The following RAB40A variants were observed in gnomAD, a reference collection of about 807,000 sequenced individuals.
RAB40A encodes the protein RAB40A, member RAS oncogene family.
For missense variants in RAB40A, 145 were observed against 230.2 expected (o/e 0.63, Z 2.40); for synonymous variants, 65 against 99.9 (o/e 0.65, Z 2.08).
intron 2 of RAB40A, chrX:103,501,383 G>A: frequency 8.0e-6 from 1 of 125,546 alleles, no homozygotes; most frequent in African/African-American, 3.2e-5. Context: ...GGGTTTAGGA[G>A]TAAGTGTGAA....
chrX:103,503,599 T>G (rs749920230), intron 2 of RAB40A: 56 of 431,159 alleles, frequency 1.3e-4, no homozygotes, highest in Non-Finnish European at 1.4e-4. Flanking sequence ...GAGATAGCTG[T>G]GATGCCTCCT....
chrX:103,504,607 C>T (rs191028039), intron 2 of RAB40A, among the ~76,000 whole-genome samples: 3 of 111,581 alleles, frequency 2.7e-5, no homozygotes, highest in South Asian at 3.8e-4. Context: ...CTGCAACCTC[C>T]GCCTCCCAGG....
At chrX:103,512,778 CATAAT>C (rs772037905) in intron 2 of RAB40A, among the ~76,000 whole-genome samples, 1 of 111,251 alleles carries the variant, frequency 9.0e-6, no homozygotes, top group East Asian at 2.8e-4. Context: ...ATTACATTTG[CATAAT>C]ATAACTTCTG....
intron 2 of RAB40A, among the ~76,000 whole-genome samples, chrX:103,507,079 T>C (rs1464913047): frequency 1.1e-5 from 1 of 90,244 alleles, no homozygotes; most frequent in Admixed American, 1.3e-4. Context: ...GATGTTCCTC[T>C]CTCTGTCCAT....
At position 103,500,211 on chromosome X, in the gene RAB40A, C is replaced by A. The variant is rs1182591922; in HGVS notation, c.546G>T (p.Trp182Cys). The change falls in exon 3 of 3, where the codon TGG becomes TGT. Residue 182 changes from tryptophan to cysteine, a missense_variant. Coordinates refer to ENST00000304236, the MANE Select transcript of RAB40A (RefSeq NM_080879.3). ...TCAGTACCTTGCTCGGCCTCCCGAG[C>A]CAATTCATCCTGTGCCGCAGCAGCA... is the stretch of plus-strand genomic sequence containing the variant. Reference protein sequence around the residue: ...RIVLLRHRMNWLGRPSKVLSL... With the variant: ...RIVLLRHRMNCLGRPSKVLSL... 2 of 1,209,367 alleles carry A rather than the reference C, an allele frequency of 1.7e-6. No homozygotes were observed. The highest frequency in any genetic ancestry group is 2.2e-6 in the Non-Finnish European group (2 of 894,638).
chrX:103,502,630 G>A (rs1203119241), intron 2 of RAB40A: 1 of 623,053 alleles, frequency 1.6e-6, no homozygotes. Flanking sequence ...GGGGACCCAT[G>A]GGGCCACAAT....
intron 2 of RAB40A, among the ~76,000 whole-genome samples, chrX:103,511,512 GA>G (rs745838915): frequency 4.8e-4 from 43 of 90,524 alleles, no homozygotes; most frequent in East Asian, 1.0e-3. Context: ...CAAAAAAAAA[GA>G]AAAAAAAAAA....
intron 2 of RAB40A, among the ~76,000 whole-genome samples, chrX:103,510,619 A>G (rs1322991290): frequency 8.9e-6 from 1 of 112,617 alleles, no homozygotes; most frequent in Non-Finnish European, 1.9e-5. Context: ...GGAAACTTCT[A>G]AAAGAATTTA....
At chrX:103,496,624 T>G (rs1368007384), downstream of RAB40A, among the ~76,000 whole-genome samples, 1 of 112,616 alleles carries the variant, frequency 8.9e-6, no homozygotes, top group Non-Finnish European at 1.9e-5. Context: ...TAAACAGAAT[T>G]TATTGAAGTG....
chrX:103,517,683 G>A (rs757739719), intron 1 of RAB40A, among the ~76,000 whole-genome samples, 158 bp from the exon 2 acceptor site: 6 of 111,690 alleles, frequency 5.4e-5, no homozygotes, highest in Admixed American at 9.6e-5. Flanking sequence ...AACAATCTTC[G>A]GAGAATGTAT....
At chrX:103,493,643 C>T in the RAB40A span, among the ~76,000 whole-genome samples, 10 of 111,646 alleles carry the variant, frequency 9.0e-5, no homozygotes, top group Admixed American at 1.9e-4. Flanking sequence ...AGTTCAATTG[C>T]GTTCATTTTT....
At chrX:103,505,605 G>C (rs1390156953) in intron 2 of RAB40A, among the ~76,000 whole-genome samples, 2 of 110,891 alleles carry the variant, frequency 1.8e-5, no homozygotes, top group African/African-American at 6.6e-5. Context: ...TGTCGTATGG[G>C]ATTCTTATAT....
chrX:103,500,261 A>C lies in RAB40A; in HGVS notation c.496T>G (p.Ser166Ala), dbSNP rs2073216101. ...SPLCNFNIIE[S>A]FTELARIVLL... The stretch of plus-strand genomic sequence containing the variant: ...ACTATCCTGGCCAGCTCCGTGAAAG[A>C]CTCTATGATGTTGAAATTGCACAGA... Residue 166 changes from serine to alanine, a missense_variant, in exon 3 of 3, where the codon TCT becomes GCT. Coordinates refer to ENST00000304236, the MANE Select transcript of RAB40A (RefSeq NM_080879.3). 8.3e-7 allele frequency: 1 copy of C among 1,211,138 alleles called. No individual in the cohort carries two copies. The highest frequency in any genetic ancestry group is 1.1e-6 in the Non-Finnish European group (1 of 895,352).
At chrX:103,512,375 G>C (rs10127233) in intron 2 of RAB40A, among the ~76,000 whole-genome samples, 8,742 of 109,494 alleles carry the variant, frequency 0.08, 942 homozygotes, top group African/African-American at 0.28. Context: ...AGTAGCACAT[G>C]CTGGTTAGAT....
intron 2 of RAB40A, among the ~76,000 whole-genome samples, chrX:103,508,260 G>C (rs749382308): frequency 8.1e-5 from 9 of 111,522 alleles, no homozygotes; most frequent in African/African-American, 1.3e-4. Flanking sequence ...AGTGGAATCT[G>C]ACCATTTCTC....
chrX:103,506,211 A>G (rs2073254012), intron 2 of RAB40A, among the ~76,000 whole-genome samples: 1 of 111,654 alleles, frequency 9.0e-6, no homozygotes, highest in Non-Finnish European at 1.9e-5. Flanking sequence ...CTGGACTTTC[A>G]GTGTACCCTT....
chrX:103,507,979 A>G (rs1006116647), intron 2 of RAB40A, among the ~76,000 whole-genome samples: 1 of 112,151 alleles, frequency 8.9e-6, no homozygotes, highest in Non-Finnish European at 1.9e-5. Flanking sequence ...TTTATTGTTC[A>G]TGTATATACT....
chrX:103,500,789 C>A lies in RAB40A; in HGVS notation c.-33G>T. 2 of 1,192,520 alleles carry A rather than the reference C, an allele frequency of 1.7e-6. No homozygotes were observed. Among genetic ancestry groups the A allele is most frequent in the East Asian group, 3.0e-5 (1 of 33,666 alleles). ...GCCCCGCACTCCCGCCTGAGCCAGG[C>A]CCGCGGGGTTGTGCGCAGAGGTGGT... On this transcript the variant is annotated 5_prime_UTR_variant, in exon 3 of 3. Transcript: ENST00000304236.
At chrX:103,518,463 C>T (rs1428023372) in intron 1 of RAB40A, among the ~76,000 whole-genome samples, 1 of 110,545 alleles carries the variant, frequency 9.0e-6, no homozygotes, top group African/African-American at 3.3e-5. Flanking sequence ...ACTAGGTTAT[C>T]TTAGAGAAAT....
Sources: gnomAD v4.1 joint callset for allele counts (sites outside exome capture counted in the v4.1 genomes callset) on GRCh38, gnomAD v4.1.1 for gene constraint, MANE v1.5 for transcripts, NCBI Gene and HGNC (gene_info 2026-07-23, HGNC 2026-07-21) for gene names.